The following MYBPC2 variants were observed in gnomAD, a reference collection of about 807,000 sequenced individuals.
MYBPC2 encodes myosin-binding protein C, fast-type.
A neutral mutation model predicts 137.0 loss-of-function variants in MYBPC2; 122 were observed. That is an observed-to-expected ratio of 0.89 (90% CI 0.77 to 1.03). The LOEUF is 1.03. Ranked by LOEUF, MYBPC2 falls within the 50% of genes least tolerant of loss-of-function variation. MYBPC2 has a pLI of 0.00. For missense variants in MYBPC2, 1,500 were observed against 1,534.4 expected, an observed-to-expected ratio of 0.98 and a Z score of 0.37; for synonymous variants, 626 against 612.3, an observed-to-expected ratio of 1.02 and a Z score of -0.33.
chr19:50,457,379 G>A (rs2039923101), intron 20 of MYBPC2, among the ~76,000 whole-genome samples: 1 of 152,154 alleles, frequency 6.6e-6, no homozygotes, highest in South Asian at 2.1e-4. Flanking sequence ...AGACAGAAGG[G>A]CATGTAACGA....
chr19:50,460,575 A>G (rs2039962993), intron 24 of MYBPC2, among the ~76,000 whole-genome samples: 1 of 152,164 alleles, frequency 6.6e-6, no homozygotes, highest in African/African-American at 2.4e-5. Flanking sequence ...CCTACTCTGG[A>G]CATTTCATAC....
Position 50,454,462 on chromosome 19 carries a change from A to G in MYBPC2, c.2014+93A>G, listed in dbSNP as rs1308989633. The stretch of plus-strand genomic sequence containing the variant: ...TTTTTTTGAGATGGAGTCTCACTCT[A>G]TCGCCCAGGCTGGAGTGCAGTGGCT... On this transcript the variant is annotated intron_variant, in intron 18 of 27. Transcript: ENST00000357701. 1.3e-5 allele frequency: 14 copies of G among 1,096,110 alleles called. No homozygotes were observed. The Admixed American group carries it at 2.0e-4, about 16-fold the overall frequency. The allele number at this position is 1,096,110 out of a possible 1,614,324, so 67.9% of individuals were successfully genotyped here.
Position 50,465,024 on chromosome 19 carries a change from C to T in MYBPC2, c.3415+492C>T, listed in dbSNP as rs1213374245. On this transcript the variant is annotated intron_variant, in intron 27 of 27. Coordinates refer to ENST00000357701, the MANE Select transcript of MYBPC2 (RefSeq NM_004533.4). This position sits in a 1 kb window ranked among gnomAD's most constrained non-coding sequence, Gnocchi z 4.5. ...CTCCAGCCCCAGCGAAAGCTACATC[C>T]TCTTCCTCCCATATTCCATTTCCAG... Among the ~76,000 whole-genome samples, 1 of 151,960 alleles carries T rather than the reference C, an allele frequency of 6.6e-6. No individual in the cohort carries two copies. Among genetic ancestry groups the T allele is most frequent in the South Asian group, 2.1e-4 (1 of 4,820 alleles).
rs1193185364 is a variant in MYBPC2 at position 50,443,829 on chromosome 19, T to C, written c.1133+13T>C. ...CCCAGGTGATGTGGTAAGTGACCCT[T>C]GATCCCTGATCTCCATACAGGTGCA... On this transcript the variant is annotated intron_variant, in intron 11 of 27. Coordinates refer to ENST00000357701, the MANE Select transcript of MYBPC2 (RefSeq NM_004533.4). 6.2e-7 allele frequency: 1 copy of C among 1,605,766 alleles called. No homozygotes were observed. Among genetic ancestry groups the C allele is most frequent in the African/African-American group, 1.3e-5 (1 of 74,722 alleles).
intron 9 of MYBPC2, 115 bp downstream of exon 9, chr19:50,442,428 G>GT: frequency 3.6e-6 from 5 of 1,405,960 alleles, no homozygotes; most frequent in Non-Finnish European, 2.8e-6. Context: ...TATATGAAGA[G>GT]TACAGGCCGG....
intron 26 of MYBPC2, among the ~76,000 whole-genome samples, chr19:50,463,784 CA>C (rs2039990588): frequency 2.0e-5 from 3 of 152,038 alleles, no homozygotes; most frequent in Non-Finnish European, 4.4e-5. Context: ...ACTAAAAATA[CA>C]AAAACTAGCC....
chr19:50,435,188 A>T lies in MYBPC2; in HGVS notation c.47A>T (p.Asp16Val). 2.2e-6 allele frequency: 3 copies of T among 1,379,800 alleles called. No homozygotes were observed. The highest frequency in any genetic ancestry group is 3.1e-6 in the Non-Finnish European group (3 of 970,970). The allele number at this position is 1,379,800 out of a possible 1,614,324, so 85.5% of individuals were successfully genotyped here. ...PAAKKAPKGK[D>V]APKGAPKEAP... ...GCCAAAAAGGCCCCCAAAGGCAAAGATGCCCCCAAAGGAGCCCCCAAGGAG... is the reference window on the plus strand; with the variant it reads ...GCCAAAAAGGCCCCCAAAGGCAAAGTTGCCCCCAAAGGAGCCCCCAAGGAG... The change falls in exon 2 of 28, where the codon GAT becomes GTT. Residue 16 changes from aspartate (D) to valine (V), a missense_variant. Asp to Val is a radical substitution (Grantham distance 152). Coordinates refer to ENST00000357701, the MANE Select transcript of MYBPC2 (RefSeq NM_004533.4). The surrounding 1 kb of genome is among the most constrained non-coding windows in gnomAD (Gnocchi z 4.8).
rs775145751 is a variant in MYBPC2 at position 50,459,319 on chromosome 19, G to C, written c.2791+13G>C. On this transcript the variant is annotated intron_variant, in intron 23 of 27. Transcript: ENST00000357701. Reference sequence around the variant, plus strand: ...ATCCGCGTTGTGGGTGCGCGCGCTGGGGAGGGCCCCTGGAGGCCGGGAGGG... The same window carrying C: ...ATCCGCGTTGTGGGTGCGCGCGCTGCGGAGGGCCCCTGGAGGCCGGGAGGG... 6.3e-7 allele frequency: 1 copy of C among 1,589,002 alleles called. No homozygotes were observed. The highest frequency in any genetic ancestry group is 1.1e-5 in the South Asian group (1 of 88,210).
At chr19:50,438,589 G>C (rs1317948393) in intron 7 of MYBPC2, among the ~76,000 whole-genome samples, 1 of 152,112 alleles carries the variant, frequency 6.6e-6, no homozygotes, top group African/African-American at 2.4e-5. Context: ...TTGAAGTCTG[G>C]GTGCAGTGGT....
At chr19:50,453,017 C>T (rs985761923) in intron 16 of MYBPC2, among the ~76,000 whole-genome samples, 5 of 152,324 alleles carry the variant, frequency 3.3e-5, no homozygotes, top group South Asian at 2.1e-4. Flanking sequence ...GCTCACTCAG[C>T]GTACATCCCC....
chr19:50,457,939 C>T (rs1026744829), intron 20 of MYBPC2, among the ~76,000 whole-genome samples: 11 of 151,376 alleles, frequency 7.3e-5, no homozygotes, highest in Admixed American at 4.6e-4. Context: ...CTCAGCCTCC[C>T]GAAGTGCTGG....
At chr19:50,464,321 C>T (rs376763482) in intron 26 of MYBPC2, 25 bp from the exon 27 acceptor site, 4 of 1,579,906 alleles carry the variant, frequency 2.5e-6, no homozygotes, top group Non-Finnish European at 2.6e-6. Context: ...TCTAAGTTGG[C>T]CTCCTCTCCC....
chr19:50,442,388 A>G (rs1414340842), intron 9 of MYBPC2, 75 bp downstream of exon 9: 2 of 1,540,578 alleles, frequency 1.3e-6, no homozygotes. Context: ...AAGGCCTATC[A>G]CTCTTAACCA....
At position 50,454,154 on chromosome 19, in the gene MYBPC2, G is replaced by A; in HGVS notation, c.1884G>A (p.Val628=). Residue 628 remains valine (V), a synonymous_variant, in exon 17 of 28, where the codon GTG becomes GTA. Coordinates refer to ENST00000357701, the MANE Select transcript of MYBPC2 (RefSeq NM_004533.4). Reference sequence around the variant, plus strand: ...TCACCAACCCCGTCGGCGAGGACGTGGCTTCCATCTTCCTGCAAGTTGTAG... The same window carrying A: ...TCACCAACCCCGTCGGCGAGGACGTAGCTTCCATCTTCCTGCAAGTTGTAG... The part of the protein sequence containing the change: ...IKVTNPVGED[V]ASIFLQVVDV... 1.2e-6 allele frequency: 2 copies of A among 1,613,790 alleles called. No homozygotes were observed. Among genetic ancestry groups the A allele is most frequent in the South Asian group, 1.1e-5 (1 of 91,032 alleles).
chr19:50,464,550 C>A lies in MYBPC2; in HGVS notation c.3415+18C>A. On this transcript the variant is annotated intron_variant, in intron 27 of 27. Transcript: ENST00000357701. ...GGTCCGAGGTGAGGGCGTGGCCATC[C>A]CCAACACTGGCTGACCCTTGCTCGG... is the stretch of plus-strand genomic sequence containing the variant. 1 of 1,587,162 alleles carries A rather than the reference C, an allele frequency of 6.3e-7. No individual in the cohort carries two copies. Among genetic ancestry groups the A allele is most frequent in the Non-Finnish European group, 8.6e-7 (1 of 1,168,240 alleles).
rs1238412838 is a variant in MYBPC2 at position 50,454,012 on chromosome 19, G to A, written c.1750-8G>A. On this transcript the variant is annotated splice_polypyrimidine_tract_variant and splice_region_variant and intron_variant, in intron 16 of 27. Coordinates refer to ENST00000357701, the MANE Select transcript of MYBPC2 (RefSeq NM_004533.4). ...TGGGGTGCAAGGCCATCTGGTGGCT[G>A]CGTTCAGGTATTCACGACCACCGAG... is the stretch of plus-strand genomic sequence containing the variant. The A allele has an allele frequency of 6.3e-7, 1 of 1,586,032 alleles. No homozygotes were observed. Among genetic ancestry groups the A allele is most frequent in the South Asian group, 1.1e-5 (1 of 87,090 alleles).
At chr19:50,449,119 CAGG>C (rs1376762996) in intron 13 of MYBPC2, among the ~76,000 whole-genome samples, 1 of 152,112 alleles carries the variant, frequency 6.6e-6, no homozygotes, top group Non-Finnish European at 1.5e-5. Flanking sequence ...GAGGCCAAGG[CAGG>C]AGGATTTCTT....
At position 50,443,812 on chromosome 19, in the gene MYBPC2, A is replaced by G. The variant is rs1336863334; in HGVS notation, c.1129A>G (p.Met377Val). 2.5e-6 allele frequency: 4 copies of G among 1,613,126 alleles called. No homozygotes were observed. In the African/African-American group the frequency reaches 5.3e-5, roughly 22 times the overall value. The change falls in exon 11 of 28, where the codon ATG (methionine) becomes GTG (valine). Residue 377 changes from methionine (M) to valine (V), a missense_variant. Coordinates refer to ENST00000357701, the MANE Select transcript of MYBPC2 (RefSeq NM_004533.4). ...GGTGTCAGAAGAGGGTGCCCAGGTGATGTGGTAAGTGACCCTTGATCCCTG... is the reference window on the plus strand; with the variant it reads ...GGTGTCAGAAGAGGGTGCCCAGGTGGTGTGGTAAGTGACCCTTGATCCCTG... ...VEVSEEGAQV[M>V]WMKDGVELTR... is the part of the protein sequence containing the mutation.
chr19:50,434,349 C>T (rs1442896500), intron 1 of MYBPC2, among the ~76,000 whole-genome samples: 1 of 152,088 alleles, frequency 6.6e-6, no homozygotes, highest in Non-Finnish European at 1.5e-5. Flanking sequence ...GGAGCGAGAC[C>T]CTGCTGGGAA....
Sources: gnomAD v4.1 joint callset for allele counts (sites outside exome capture counted in the v4.1 genomes callset) on GRCh38, gnomAD v4.1.1 for gene constraint, Gnocchi (gnomAD v3.1) non-coding constraint, MANE v1.5 for transcripts, NCBI Gene and HGNC (gene_info 2026-07-23, HGNC 2026-07-21) for gene names.